Variants in DAW1 observed in about 807,000 individuals in gnomAD.
DAW1 encodes dynein assembly factor with WD repeats 1.
In DAW1, 47 loss-of-function variants were observed where a neutral mutation model predicts 56.5. That is an observed-to-expected ratio of 0.83 (90% CI 0.66 to 1.06). DAW1 has a LOEUF of 1.06. Among genes scored for constraint, DAW1 ranks in the 50% least tolerant of loss-of-function variants. The pLI, the probability that DAW1 is intolerant of heterozygous loss-of-function variation, is 0.00. For synonymous variants in DAW1, 190 were observed against 179.0 expected (o/e 1.06, Z -0.49); for missense variants, 505 against 499.3 (o/e 1.01, Z -0.11).
Position 227,918,839 on chromosome 2 carries a change from G to A in DAW1, c.1033G>A (p.Glu345Lys). The A allele has an allele frequency of 3.7e-6, 6 of 1,614,084 alleles. No homozygotes were observed. Among genetic ancestry groups the A allele is most frequent in the Non-Finnish European group, 5.1e-6 (6 of 1,180,018 alleles). ...RKCIAKLEGH[E>K]GEISKISFNP... is the part of the protein sequence containing the mutation. ...ATGCATTGCCAAACTGGAAGGTCATGAAGGTGAAATTTCAAAGGTGAGTCG... is the reference window on the plus strand; with the variant it reads ...ATGCATTGCCAAACTGGAAGGTCATAAAGGTGAAATTTCAAAGGTGAGTCG... The change falls in exon 11 of 13, where the codon GAA (glutamate) becomes AAA (lysine). Residue 345 changes from glutamate (E) to lysine (K), a missense_variant. Glu to Lys is a moderately conservative substitution (Grantham distance 56). Coordinates refer to ENST00000309931, the MANE Select transcript of DAW1 (RefSeq NM_178821.3).
At chr2:227,918,611 C>A (rs888736375) in intron 10 of DAW1, among the ~76,000 whole-genome samples, 169 bp from the exon 11 acceptor site, 1 of 152,142 alleles carries the variant, frequency 6.6e-6, no homozygotes, top group African/African-American at 2.4e-5. Flanking sequence ...TGCAATGGGA[C>A]CAGCAGGCAT....
intron 5 of DAW1, among the ~76,000 whole-genome samples, chr2:227,896,872 A>G (rs1691422447): frequency 6.6e-6 from 1 of 151,758 alleles, no homozygotes; most frequent in Non-Finnish European, 1.5e-5. Context: ...TGGAAAAATG[A>G]ATTGAGGGAA....
In DAW1 at chr2:227,911,267, C is replaced by CATATATACACGTGTATATAT. The variant is rs1559312581; in HGVS notation, c.973+4016_973+4017insTATATACACGTGTATATATA. Among the ~76,000 whole-genome samples, 33 of 132,812 alleles carry CATATATACACGTGTATATAT rather than the reference C, an allele frequency of 2.5e-4. 1 individual carries two copies. The highest frequency in any genetic ancestry group is 6.9e-4 in the South Asian group (3 of 4,328). The allele number at this position is 132,812 out of a possible 152,430, so 87.1% of individuals were successfully genotyped here. ...ATATACATATATACACGTGTATATA[C>CATATATACACGTGTATATAT]ACATATACACGTGTATATATACATA... On this transcript the variant is annotated intron_variant, in intron 10 of 12. Transcript: ENST00000309931.
Position 227,898,260 on chromosome 2 carries a change from C to T in DAW1, c.519C>T (p.Phe173=), listed in dbSNP as rs767284654. The change falls in exon 6 of 13, where the codon TTC becomes TTT. Residue 173 remains phenylalanine, a synonymous_variant. Transcript: ENST00000309931. ...SVETGKCYHT[F]RGHTAEIVCL... Reference sequence around the variant, plus strand: ...AAACAGGAAAATGTTACCATACCTTCAGGGGTCATACAGCAGAAATAGTGA... The same window carrying T: ...AAACAGGAAAATGTTACCATACCTTTAGGGGTCATACAGCAGAAATAGTGA... 1.3e-6 allele frequency: 2 copies of T among 1,558,910 alleles called. No homozygotes were observed. The highest frequency in any genetic ancestry group is 3.4e-5 in the Admixed American group (2 of 58,384).
rs145957504 is a variant in DAW1, at chr2:227,897,054, C to G, written c.441-1128C>G. ...TGAGCTGAGATCGCACCACTGAATT[C>G]CAGCCTGGGTGACAGAATAAAATTC... On this transcript the variant is annotated intron_variant, in intron 5 of 12. Coordinates refer to ENST00000309931, the MANE Select transcript of DAW1 (RefSeq NM_178821.3). Among the ~76,000 whole-genome samples, 604 of 149,378 alleles carry G rather than the reference C, an allele frequency of 4.0e-3. 6 individuals are homozygous for G. The highest frequency in any genetic ancestry group is 0.014 in the African/African-American group (586 of 40,550).
chr2:227,885,546 G>A (rs1420728197), intron 2 of DAW1, 123 bp downstream of exon 2: 5 of 619,152 alleles, frequency 8.1e-6, no homozygotes, highest in Non-Finnish European at 1.3e-5. Flanking sequence ...TTCTTCTGTG[G>A]TGTGTTAGTT....
At chr2:227,890,628 T>A (rs1407515306) in intron 3 of DAW1, among the ~76,000 whole-genome samples, 3 of 152,204 alleles carry the variant, frequency 2.0e-5, no homozygotes, top group Admixed American at 2.0e-4. Flanking sequence ...ATACAAAATA[T>A]CCAGGCATTC....
chr2:227,912,900 C>T (rs1342579328), intron 10 of DAW1, among the ~76,000 whole-genome samples: 1 of 152,096 alleles, frequency 6.6e-6, no homozygotes, highest in East Asian at 1.9e-4. Flanking sequence ...TATATGATGC[C>T]ACATTTTGGG....
At chr2:227,909,156 T>G (rs974015768) in intron 10 of DAW1, among the ~76,000 whole-genome samples, 4 of 151,644 alleles carry the variant, frequency 2.6e-5, no homozygotes, top group African/African-American at 9.7e-5. Flanking sequence ...GCTATAGTAT[T>G]TATACCTCAT....
chr2:227,912,272 G>T, intron 10 of DAW1: 1 of 712,344 alleles, frequency 1.4e-6, no homozygotes, highest in South Asian at 1.5e-5. Flanking sequence ...TCGCTCTGTC[G>T]CCCAGGCTGG....
chr2:227,911,372 TTA>T (rs1012770488), intron 10 of DAW1, among the ~76,000 whole-genome samples: 4 of 106,098 alleles, frequency 3.8e-5, no homozygotes. Flanking sequence ...TTATACATGA[TTA>T]TATATATTAT....
chr2:227,878,776 T>C (rs1226334895), intron 1 of DAW1, among the ~76,000 whole-genome samples: 1 of 151,730 alleles, frequency 6.6e-6, no homozygotes, highest in Non-Finnish European at 1.5e-5. Context: ...TTCTATTTTC[T>C]TGTTTTTCTC....
intron 8 of DAW1, among the ~76,000 whole-genome samples, chr2:227,905,416 C>T (rs1691654489): frequency 6.6e-6 from 1 of 152,148 alleles, no homozygotes; most frequent in Non-Finnish European, 1.5e-5. Context: ...CTTCAATTTC[C>T]TTCCTAATGA....
chr2:227,871,755 C>T (rs762378095), intron 1 of DAW1, 26 bp downstream of exon 1: 11 of 1,613,312 alleles, frequency 6.8e-6, no homozygotes, highest in Non-Finnish European at 9.3e-6. Flanking sequence ...GCCCCGTCAT[C>T]CCCACGTGGG....
intron 1 of DAW1, among the ~76,000 whole-genome samples, chr2:227,873,522 A>G (rs185524490): frequency 1.7e-4 from 26 of 152,336 alleles, no homozygotes; most frequent in Non-Finnish European, 2.9e-4. Context: ...ATCTTAAGGG[A>G]TGCTGCTTCT....
At chr2:227,915,383 A>G (rs1347478088) in intron 10 of DAW1, among the ~76,000 whole-genome samples, 1 of 152,064 alleles carries the variant, frequency 6.6e-6, no homozygotes, top group Non-Finnish European at 1.5e-5. Flanking sequence ...TACTATGTAT[A>G]TGCTATTCTA....
chr2:227,913,226 A>G (rs1285307231), intron 10 of DAW1, among the ~76,000 whole-genome samples: 2 of 152,160 alleles, frequency 1.3e-5, no homozygotes, highest in South Asian at 2.1e-4. Context: ...ATATCACCAC[A>G]TATTGTGTTA....
intron 1 of DAW1, among the ~76,000 whole-genome samples, chr2:227,880,236 A>T (rs1278057773): frequency 5.3e-5 from 8 of 152,078 alleles, no homozygotes; most frequent in Non-Finnish European, 1.5e-5. Context: ...ATCTTCTTCC[A>T]GTCTTAGCTT....
chr2:227,923,698 A>C (rs1026148964), intron 12 of DAW1, among the ~76,000 whole-genome samples: 5 of 152,052 alleles, frequency 3.3e-5, no homozygotes, highest in African/African-American at 1.2e-4. Context: ...TGCTAGTGTA[A>C]GTAAGCAGGA....
Sources: gnomAD v4.1 joint callset for allele counts (sites outside exome capture counted in the v4.1 genomes callset) on GRCh38, gnomAD v4.1.1 for gene constraint, MANE v1.5 for transcripts, NCBI Gene and HGNC (gene_info 2026-07-23, HGNC 2026-07-21) for gene names.